The following ALK variants were observed in gnomAD, a reference collection of about 807,000 sequenced individuals.
The protein encoded by ALK is ALK receptor tyrosine kinase, also known as ALK tyrosine kinase receptor.
ALK carries 74 observed loss-of-function variants against 163.1 expected under a neutral mutation model. That is an observed-to-expected ratio of 0.45 (90% CI 0.38 to 0.55). ALK has a LOEUF of 0.55. ALK is among the 20% of genes least tolerant of loss of function. ALK has a pLI of 0.00. For synonymous variants in ALK, 960 were observed against 843.2 expected, an observed-to-expected ratio of 1.14 and a Z score of -2.40; for missense variants, 2,063 against 2,105.3, an observed-to-expected ratio of 0.98 and a Z score of 0.39.
At chr2:29,327,864 G>A (rs1056581442) in intron 6 of ALK, among the ~76,000 whole-genome samples, 1 of 152,166 alleles carries the variant, frequency 6.6e-6, no homozygotes, top group Non-Finnish European at 1.5e-5. Flanking sequence ...CTCAGGGCGA[G>A]TCTTGAAGTA....
At chr2:29,727,987 T>C (rs968361004) in intron 1 of ALK, among the ~76,000 whole-genome samples, 10 of 152,108 alleles carry the variant, frequency 6.6e-5, no homozygotes, top group Non-Finnish European at 1.3e-4. Flanking sequence ...AATCACAAAA[T>C]ATGATCTTCT....
At position 29,193,669 on chromosome 2, in the gene ALK, C is replaced by T. The variant is rs1174344092; in HGVS notation, c.4418G>A (p.Gly1473Glu). The T allele has an allele frequency of 1.2e-6, 2 of 1,613,962 alleles. No individual in the cohort carries two copies. The highest frequency in any genetic ancestry group is 8.5e-7 in the Non-Finnish European group (1 of 1,179,922). ...AGAGAATGCCATATTCACGTGTCCC[C>T]CTTCCACGGCCGGCCCTCTAGGGAC... ...VRVPRGPAVE[G>E]GHVNMAFSQS... Residue 1473 changes from glycine to glutamate, a missense_variant, in exon 29 of 29, where the codon GGG becomes GAG. By Grantham distance (98) the Gly-to-Glu change is moderately conservative (BLOSUM62 -2). This residue lies in a region of ALK where 403 missense variants were observed against 366.2 expected (regional missense o/e 1.10). Transcript: ENST00000389048.
intron 26 of ALK, among the ~76,000 whole-genome samples, chr2:29,205,433 C>A (rs1338355981): frequency 6.6e-6 from 1 of 151,358 alleles, no homozygotes; most frequent in African/African-American, 2.5e-5. Flanking sequence ...ACCAACCAAC[C>A]AAACAACCAC....
chr2:29,325,392 A>G (rs1249291917), intron 6 of ALK, among the ~76,000 whole-genome samples: 2 of 152,210 alleles, frequency 1.3e-5, no homozygotes, highest in Non-Finnish European at 2.9e-5. Flanking sequence ...TTTACTGAGC[A>G]CTTACTTTGT....
At chr2:29,341,994 A>G (rs1356912247) in intron 5 of ALK, among the ~76,000 whole-genome samples, 1 of 152,240 alleles carries the variant, frequency 6.6e-6, no homozygotes, top group Non-Finnish European at 1.5e-5. Flanking sequence ...GCAGGCAGGA[A>G]GGATAAATAA....
At chr2:29,532,696 T>C in intron 3 of ALK, among the ~76,000 whole-genome samples, 1 of 152,322 alleles carries the variant, frequency 6.6e-6, no homozygotes, top group East Asian at 1.9e-4. Flanking sequence ...CAATCTTGAT[T>C]CCAGTAGCAC....
At chr2:29,478,190 A>G (rs1361200029) in intron 4 of ALK, among the ~76,000 whole-genome samples, 4 of 152,212 alleles carry the variant, frequency 2.6e-5, no homozygotes, top group Admixed American at 6.5e-5. Flanking sequence ...ACAAACACCC[A>G]TGTGAATGGA....
At chr2:29,894,108 C>T (rs559272581) in intron 1 of ALK, among the ~76,000 whole-genome samples, 2 of 152,222 alleles carry the variant, frequency 1.3e-5, no homozygotes, top group South Asian at 4.1e-4. Flanking sequence ...GTCAAGGACC[C>T]AAACCCTTTT....
intron 4 of ALK, among the ~76,000 whole-genome samples, chr2:29,520,883 G>C (rs1053510692): frequency 6.6e-6 from 1 of 152,172 alleles, no homozygotes; most frequent in Non-Finnish European, 1.5e-5. Flanking sequence ...ATTTGAGGCT[G>C]AAGATTAACA....
At chr2:29,198,337 C>T (rs1405968125) in intron 26 of ALK, among the ~76,000 whole-genome samples, 1 of 108,070 alleles carries the variant, frequency 9.3e-6, no homozygotes, top group African/African-American at 4.8e-5. Context: ...GTACACACAT[C>T]ATCTCCTTTA....
intron 1 of ALK, among the ~76,000 whole-genome samples, chr2:29,829,651 A>AG (rs1665307291): frequency 6.6e-6 from 1 of 152,172 alleles, no homozygotes; most frequent in Admixed American, 6.5e-5. Context: ...TTTTCACCTA[A>AG]GGGGGGTAAA....
At chr2:29,878,578 C>T (rs889678872) in intron 1 of ALK, among the ~76,000 whole-genome samples, 28 of 152,272 alleles carry the variant, frequency 1.8e-4, no homozygotes, top group South Asian at 6.2e-4. Flanking sequence ...AACAACTTCC[C>T]CTAGCTCAGA....
At chr2:29,714,680 C>T (rs974970080) in intron 2 of ALK, among the ~76,000 whole-genome samples, 8 of 152,192 alleles carry the variant, frequency 5.3e-5, no homozygotes, top group African/African-American at 1.9e-4. Context: ...GACTTGGTGA[C>T]TTCTCACTGT....
chr2:29,368,910 T>C (rs1320137719), intron 5 of ALK, among the ~76,000 whole-genome samples: 2 of 152,166 alleles, frequency 1.3e-5, no homozygotes, highest in African/African-American at 4.8e-5. Context: ...GAACGTTCAA[T>C]ATGATTTTAC....
chr2:29,292,983 A>AG (rs1026772588), intron 9 of ALK, among the ~76,000 whole-genome samples: 42 of 152,354 alleles, frequency 2.8e-4, no homozygotes, highest in African/African-American at 9.4e-4. Flanking sequence ...CACAAGGACC[A>AG]GGGCACCCAA....
chr2:29,263,965 C>G (rs1665150491), intron 11 of ALK, among the ~76,000 whole-genome samples: 1 of 152,220 alleles, frequency 6.6e-6, no homozygotes, highest in African/African-American at 2.4e-5. Context: ...TCAAGATCTC[C>G]CAGCTACTTG....
chr2:29,750,812 C>T (rs1178080138), intron 1 of ALK, among the ~76,000 whole-genome samples: 3 of 151,428 alleles, frequency 2.0e-5, no homozygotes, highest in African/African-American at 7.3e-5. Flanking sequence ...TGGCTCATGC[C>T]TGTAATCCCA....
At chr2:29,671,040 C>A (rs534664512) in intron 3 of ALK, among the ~76,000 whole-genome samples, 2 of 152,008 alleles carry the variant, frequency 1.3e-5, no homozygotes, top group African/African-American at 4.8e-5. Flanking sequence ...GGTCATGGTT[C>A]CCTGTTAGCT....
At chr2:29,861,342 A>C (rs997674600) in intron 1 of ALK, among the ~76,000 whole-genome samples, 1 of 152,202 alleles carries the variant, frequency 6.6e-6, no homozygotes, top group Non-Finnish European at 1.5e-5. Context: ...ACAATAGAAA[A>C]GATCAATGAA....
Sources: gnomAD v4.1 joint callset for allele counts (sites outside exome capture counted in the v4.1 genomes callset) on GRCh38, gnomAD v4.1.1 for gene constraint, gnomAD v4.1.1 regional missense constraint, MANE v1.5 for transcripts, NCBI Gene and HGNC (gene_info 2026-07-23, HGNC 2026-07-21) for gene names.